The following SPATA16 variants were observed in gnomAD, a reference collection of about 807,000 sequenced individuals.
The protein encoded by SPATA16 is spermatogenesis-associated protein 16.
In SPATA16, 36 loss-of-function variants were observed where a neutral mutation model predicts 63.3. The observed-to-expected ratio is 0.57, with a 90% confidence interval of 0.44 to 0.75. The LOEUF (loss-of-function observed/expected upper bound fraction) is 0.75. SPATA16 is among the 30% of genes least tolerant of loss of function. The pLI, the probability that SPATA16 is intolerant of heterozygous loss-of-function variation, is 0.00. For missense variants in SPATA16, 646 were observed against 679.3 expected, an observed-to-expected ratio of 0.95 and a Z score of 0.54; for synonymous variants, 203 against 216.7, an observed-to-expected ratio of 0.94 and a Z score of 0.56.
At chr3:173,033,486 CCTTTG>C (rs762403348) in intron 3 of SPATA16, among the ~76,000 whole-genome samples, 1 of 152,046 alleles carries the variant, frequency 6.6e-6, no homozygotes, top group Non-Finnish European at 1.5e-5. Flanking sequence ...TATTATCTTT[CCTTTG>C]GAGTCTGTGA....
At chr3:173,084,793 T>C in intron 2 of SPATA16, among the ~76,000 whole-genome samples, 1 of 152,144 alleles carries the variant, frequency 6.6e-6, no homozygotes, top group East Asian at 1.9e-4. Flanking sequence ...CCCCATTGCT[T>C]GTTTTTGTCA....
intron 4 of SPATA16, among the ~76,000 whole-genome samples, chr3:173,012,666 A>G (rs926776892): frequency 1.3e-5 from 2 of 152,212 alleles, no homozygotes; most frequent in Non-Finnish European, 2.9e-5. Flanking sequence ...TAACAAAAAT[A>G]AGGAATGGGG....
chr3:172,980,139 G>A (rs145703553), intron 4 of SPATA16, among the ~76,000 whole-genome samples: 149 of 152,288 alleles, frequency 9.8e-4, no homozygotes, highest in African/African-American at 3.3e-3. Context: ...AAAAGTGCAT[G>A]GAAATAACAT....
At position 172,889,625 on chromosome 3, in the gene SPATA16, G is replaced by T. The variant is rs1157601695; in HGVS notation, c.1655C>A (p.Thr552Asn). ...CATTTTTGTTTTTTGCCTTCGAGCA[G>T]TTCTCAGTTTTTTAGTTTTTAAGAA... Reference protein sequence around the residue: ...DSFLKTKKLRTARRQKTKMKR... With the variant: ...DSFLKTKKLRNARRQKTKMKR... Residue 552 changes from threonine (T) to asparagine (N), a missense_variant, in exon 11 of 11, where the codon ACT becomes AAT. Coordinates refer to ENST00000351008, the MANE Select transcript of SPATA16 (RefSeq NM_031955.6). 1 of 1,613,820 alleles carries T rather than the reference G, an allele frequency of 6.2e-7. No individual in the cohort carries two copies. Among genetic ancestry groups the T allele is most frequent in the East Asian group, 2.2e-5 (1 of 44,878 alleles).
At chr3:172,936,060 T>C (rs754351818) in intron 6 of SPATA16, among the ~76,000 whole-genome samples, 21 of 152,242 alleles carry the variant, frequency 1.4e-4, no homozygotes, top group Middle Eastern at 3.4e-3. Flanking sequence ...TGAGAGGTGG[T>C]GTGGTATCAT....
At chr3:173,003,045 A>C (rs990234450) in intron 4 of SPATA16, among the ~76,000 whole-genome samples, 4 of 152,202 alleles carry the variant, frequency 2.6e-5, no homozygotes, top group African/African-American at 9.6e-5. Flanking sequence ...AAACCTGATT[A>C]TATTTGATAC....
At chr3:173,053,262 A>G (rs968117163) in intron 2 of SPATA16, among the ~76,000 whole-genome samples, 1 of 152,108 alleles carries the variant, frequency 6.6e-6, no homozygotes, top group East Asian at 1.9e-4. Context: ...AGGATGAGGC[A>G]GAGTTTGCAG....
chr3:172,956,376 G>A (rs748838961), intron 6 of SPATA16, among the ~76,000 whole-genome samples: 1 of 152,022 alleles, frequency 6.6e-6, no homozygotes, highest in Non-Finnish European at 1.5e-5. Flanking sequence ...TACTGGTAAA[G>A]GATAAGGGGA....
chr3:173,115,305 T>C (rs1156989966), intron 2 of SPATA16, among the ~76,000 whole-genome samples: 1 of 152,214 alleles, frequency 6.6e-6, no homozygotes, highest in Non-Finnish European at 1.5e-5. Flanking sequence ...TGCCTTTCTT[T>C]TTTCTTGCCA....
chr3:173,129,007 A>G (rs1321949044), intron 1 of SPATA16, among the ~76,000 whole-genome samples: 1 of 152,252 alleles, frequency 6.6e-6, no homozygotes, highest in African/African-American at 2.4e-5. Context: ...GATGCTAAAG[A>G]AACACTTTAA....
chr3:172,963,941 G>A (rs1304459377), intron 5 of SPATA16, among the ~76,000 whole-genome samples: 2 of 152,168 alleles, frequency 1.3e-5, no homozygotes, highest in Non-Finnish European at 2.9e-5. Context: ...ATTCTCGGAA[G>A]TATAAGATCA....
chr3:172,937,028 A>G (rs1054350741), intron 6 of SPATA16, among the ~76,000 whole-genome samples: 1 of 152,202 alleles, frequency 6.6e-6, no homozygotes, highest in African/African-American at 2.4e-5. Flanking sequence ...TATGGGACTG[A>G]GCCTTTAACC....
At chr3:173,109,846 A>C (rs941588056) in intron 2 of SPATA16, among the ~76,000 whole-genome samples, 1 of 152,206 alleles carries the variant, frequency 6.6e-6, no homozygotes, top group African/African-American at 2.4e-5. Flanking sequence ...TTATATTTGT[A>C]TTTCCAGCAT....
intron 2 of SPATA16, among the ~76,000 whole-genome samples, chr3:173,076,725 A>C (rs1000792435): frequency 3.3e-5 from 5 of 152,152 alleles, no homozygotes; most frequent in African/African-American, 1.2e-4. Flanking sequence ...TAAAAATAGG[A>C]TAAAGGAAAA....
intron 6 of SPATA16, among the ~76,000 whole-genome samples, chr3:172,945,900 C>T (rs1271123767): frequency 6.6e-6 from 1 of 152,100 alleles, no homozygotes; most frequent in African/African-American, 2.4e-5. Context: ...TAGGGAGACA[C>T]CAGCTGGGGT....
intron 6 of SPATA16, among the ~76,000 whole-genome samples, chr3:172,953,698 C>G (rs751289454): frequency 6.6e-6 from 1 of 152,174 alleles, no homozygotes; most frequent in Non-Finnish European, 1.5e-5. Context: ...CAGCCTGCTA[C>G]AGATTGAGAA....
intron 2 of SPATA16, among the ~76,000 whole-genome samples, chr3:173,065,100 C>CAAAA (rs1185420072): frequency 6.6e-6 from 1 of 152,140 alleles, no homozygotes; most frequent in Non-Finnish European, 1.5e-5. Context: ...ATTACGTTAA[C>CAAAA]AAAGTTTTTC....
At chr3:173,030,677 A>T (rs913224578) in intron 3 of SPATA16, among the ~76,000 whole-genome samples, 1 of 152,106 alleles carries the variant, frequency 6.6e-6, no homozygotes, top group Non-Finnish European at 1.5e-5. Context: ...GAAGTTCCTC[A>T]AAAAGTTAAA....
intron 6 of SPATA16, among the ~76,000 whole-genome samples, chr3:172,950,091 C>T (rs1733394885): frequency 6.6e-6 from 1 of 152,146 alleles, no homozygotes; most frequent in Non-Finnish European, 1.5e-5. Flanking sequence ...ACTGCTGTTT[C>T]TTTAAATGCA....
Sources: gnomAD v4.1 joint callset for allele counts (sites outside exome capture counted in the v4.1 genomes callset) on GRCh38, gnomAD v4.1.1 for gene constraint, MANE v1.5 for transcripts, NCBI Gene and HGNC (gene_info 2026-07-23, HGNC 2026-07-21) for gene names.